Variants in SPAG6 observed in about 807,000 individuals in gnomAD.
SPAG6 encodes the protein sperm associated antigen 6, also known as sperm-associated antigen 6.
Under a neutral mutation model 58.5 loss-of-function variants are expected in SPAG6, and 49 were observed. That is an observed-to-expected ratio of 0.84 (90% CI 0.67 to 1.06). SPAG6 has a LOEUF of 1.06. SPAG6 is among the 50% of genes least tolerant of loss of function. The probability of loss-of-function intolerance (pLI) is 0.00; values close to 1 mark genes in which losing one functional copy is unlikely to be tolerated. For missense variants in SPAG6, 560 were observed against 611.3 expected (o/e 0.92, Z 0.89); for synonymous variants, 233 against 225.6 (o/e 1.03, Z -0.29).
At chr10:22,373,136 T>C (rs1833738039) in intron 4 of SPAG6, among the ~76,000 whole-genome samples, 1 of 152,186 alleles carries the variant, frequency 6.6e-6, no homozygotes, top group African/African-American at 2.4e-5. Context: ...GTGGACCTGA[T>C]TTCTGTCCAG....
intron 9 of SPAG6, among the ~76,000 whole-genome samples, chr10:22,410,665 GGCTGGAGAGGTATTTAGGA>G (rs930501096): frequency 1.3e-5 from 2 of 152,182 alleles, no homozygotes; most frequent in African/African-American, 4.8e-5. Context: ...GATTAGTGGT[GGCTGGAGAGGTATTTAGGA>G]GCTGGGTCCC....
chr10:22,379,404 A>ATTATAAAAGACATT (rs1438119704), intron 4 of SPAG6, among the ~76,000 whole-genome samples: 1 of 152,184 alleles, frequency 6.6e-6, no homozygotes, highest in African/African-American at 2.4e-5. Flanking sequence ...CCAGGCTTAG[A>ATTATAAAAGACATT]TTATAAAAGA....
At chr10:22,414,747 A>T (rs867329678) in intron 10 of SPAG6, among the ~76,000 whole-genome samples, 57 of 152,144 alleles carry the variant, frequency 3.7e-4, no homozygotes, top group Admixed American at 9.2e-4. Context: ...CTAAATACAG[A>T]CATACTAGCC....
At chr10:22,413,789 C>A (rs1834803609) in intron 10 of SPAG6, among the ~76,000 whole-genome samples, 1 of 151,196 alleles carries the variant, frequency 6.6e-6, no homozygotes, top group South Asian at 2.1e-4. Context: ...TTATAGAAAT[C>A]TTGGAAATGT....
intron 9 of SPAG6, among the ~76,000 whole-genome samples, chr10:22,407,354 A>C (rs1332859859): frequency 6.6e-6 from 1 of 151,616 alleles, no homozygotes; most frequent in South Asian, 2.1e-4. Flanking sequence ...ATCTCTCAGC[A>C]TTTGCTTGTC....
intron 9 of SPAG6, among the ~76,000 whole-genome samples, chr10:22,404,880 G>A (rs1834511800): frequency 6.6e-6 from 1 of 152,052 alleles, no homozygotes; most frequent in South Asian, 2.1e-4. Flanking sequence ...GGATTCCTAG[G>A]TATTTTATTC....
rs149244044 is a variant in SPAG6 at position 22,373,622 on chromosome 10, C to G, written c.472+4944C>G. On this transcript the variant is annotated intron_variant, in intron 4 of 10. Transcript: ENST00000376624. The stretch of plus-strand genomic sequence containing the variant: ...ATGGATGGGGAGAAGGGACTACAAC[C>G]TGGTAATTAAAAATTATTTTAAAGG... 6.6e-3 allele frequency among the ~76,000 whole-genome samples: 1,000 copies of G among 152,278 alleles called. 8 individuals are homozygous for G. The highest frequency in any genetic ancestry group is 0.018 in the Admixed American group (273 of 15,300).
chr10:22,379,300 C>T (rs1336670636), intron 4 of SPAG6, among the ~76,000 whole-genome samples: 1 of 152,144 alleles, frequency 6.6e-6, no homozygotes, highest in Admixed American at 6.5e-5. Flanking sequence ...TGGTAGCAGC[C>T]TCCATGATGC....
chr10:22,366,932 C>T (rs753577872), intron 3 of SPAG6, among the ~76,000 whole-genome samples: 3 of 152,030 alleles, frequency 2.0e-5, no homozygotes, highest in Non-Finnish European at 4.4e-5. Flanking sequence ...TCTCCCTCAC[C>T]TCCCAGCCTT....
intron 8 of SPAG6, among the ~76,000 whole-genome samples, chr10:22,399,469 ATGT>A (rs1834363573): frequency 6.6e-6 from 1 of 152,198 alleles, no homozygotes. Flanking sequence ...AGGTTCATTC[ATGT>A]TGTTGCATGT....
At chr10:22,388,020 A>G in intron 6 of SPAG6, 24 bp downstream of exon 6, 1 of 1,579,986 alleles carries the variant, frequency 6.3e-7, no homozygotes, top group Non-Finnish European at 8.6e-7. Context: ...TCAAGGCACA[A>G]TAATATGTAG....
chr10:22,408,716 C>T (rs374206931), intron 9 of SPAG6, among the ~76,000 whole-genome samples: 15 of 152,316 alleles, frequency 9.8e-5, no homozygotes, highest in Admixed American at 3.9e-4. Flanking sequence ...TGGGCAATGG[C>T]GGGCGCCCCT....
intron 4 of SPAG6, among the ~76,000 whole-genome samples, chr10:22,384,191 G>A (rs1564371437): frequency 1.3e-5 from 2 of 152,192 alleles, no homozygotes; most frequent in Admixed American, 6.5e-5. Flanking sequence ...GATGGATGTA[G>A]GAGTTCCAGA....
intron 2 of SPAG6, among the ~76,000 whole-genome samples, chr10:22,354,363 G>T (rs988161202): frequency 1.3e-5 from 2 of 152,140 alleles, no homozygotes; most frequent in African/African-American, 4.8e-5. Context: ...GGACACATTA[G>T]CACCATTCAT....
intron 2 of SPAG6, among the ~76,000 whole-genome samples, chr10:22,348,420 C>T (rs1301862777): frequency 2.0e-5 from 3 of 152,088 alleles, no homozygotes; most frequent in Non-Finnish European, 4.4e-5. Context: ...CAGTCAAATG[C>T]CTTCATTTGG....
At chr10:22,409,276 G>A (rs569864559) in intron 9 of SPAG6, among the ~76,000 whole-genome samples, 1 of 152,124 alleles carries the variant, frequency 6.6e-6, no homozygotes. Flanking sequence ...AATTCTCCAG[G>A]CCAAATGAAA....
At chr10:22,361,259 T>C (rs1350214869) in intron 2 of SPAG6, 2 of 160,226 alleles carry the variant, frequency 1.2e-5, no homozygotes, top group African/African-American at 4.8e-5. Flanking sequence ...AGGAAAATTA[T>C]AATAGAGCAG....
In SPAG6 at chr10:22,368,653, T is replaced by C. The variant is rs752137402; in HGVS notation, c.447T>C (p.Leu149=). 2.5e-6 allele frequency: 4 copies of C among 1,613,292 alleles called. No homozygotes were observed. ...PGVKEAAAWA[L]RYIARHNAEL... ...TCAAGGAGGCTGCAGCCTGGGCACT[T>C]AGATATATTGCAAGACATAATGCAG... Residue 149 remains leucine, a synonymous_variant, in exon 4 of 11, where the codon CTT becomes CTC. Coordinates refer to ENST00000376624, the MANE Select transcript of SPAG6 (RefSeq NM_012443.4).
intron 2 of SPAG6, among the ~76,000 whole-genome samples, chr10:22,354,069 A>AT (rs1471687894): frequency 1.3e-5 from 2 of 152,196 alleles, no homozygotes; most frequent in Non-Finnish European, 1.5e-5. Context: ...TGAAGTTTAG[A>AT]TTTCTCCTGG....
Sources: allele counts gnomAD v4.1 joint callset (sites outside exome capture counted in the v4.1 genomes callset), GRCh38; gene constraint gnomAD v4.1.1; transcripts MANE v1.5; gene names NCBI Gene and HGNC (gene_info 2026-07-23, HGNC 2026-07-21).